The following ADGRD1 variants were observed in gnomAD, a reference collection of about 807,000 sequenced individuals.
The protein encoded by ADGRD1 is G-protein coupled receptor 133.
ADGRD1 carries 77 observed loss-of-function variants against 113.4 expected under a neutral mutation model. That is an observed-to-expected ratio of 0.68 (90% confidence interval 0.57 to 0.82). ADGRD1 has a LOEUF of 0.82. ADGRD1 is among the 40% of genes least tolerant of loss of function. The pLI is 0.00. For synonymous variants in ADGRD1, 474 were observed against 475.0 expected, an observed-to-expected ratio of 1.00 and a Z score of 0.03; for missense variants, 1,036 against 1,139.1, an observed-to-expected ratio of 0.91 and a Z score of 1.30.
rs117904252 is a variant in ADGRD1, at chr12:131,016,448, C to T, written c.1473+2108C>T. Among the ~76,000 whole-genome samples, 359 of 152,358 alleles carry T rather than the reference C, an allele frequency of 2.4e-3. 5 individuals are homozygous for T. Among genetic ancestry groups the T allele is most frequent in the Non-Finnish European group, 3.2e-3 (215 of 68,044 alleles). On this transcript the variant is annotated intron_variant, in intron 13 of 24. Transcript: ENST00000261654. ...GTGGAGAGAATCCTGGTCCCCTGCACAGGCTGTCCCCTCTGCCGTGATGTC... is the reference window on the plus strand; with the variant it reads ...GTGGAGAGAATCCTGGTCCCCTGCATAGGCTGTCCCCTCTGCCGTGATGTC...
chr12:131,133,064 A>G (rs1200633123), intron 21 of ADGRD1, among the ~76,000 whole-genome samples: 1 of 152,028 alleles, frequency 6.6e-6, no homozygotes, highest in Non-Finnish European at 1.5e-5. Context: ...GCGAGAAGAG[A>G]TGCTCGTGGG....
At chr12:131,119,454 C>T (rs1257064075) in intron 19 of ADGRD1, among the ~76,000 whole-genome samples, 1 of 152,222 alleles carries the variant, frequency 6.6e-6, no homozygotes, top group African/African-American at 2.4e-5. Flanking sequence ...AAACACAGCT[C>T]AATGGCATTT....
At chr12:131,122,566 G>A (rs1428178981) in intron 20 of ADGRD1, among the ~76,000 whole-genome samples, 1 of 152,190 alleles carries the variant, frequency 6.6e-6, no homozygotes, top group African/African-American at 2.4e-5. Flanking sequence ...CTTTCAGAGC[G>A]GACTCCAGTC....
At chr12:131,122,300 T>C (rs1348512589) in intron 20 of ADGRD1, among the ~76,000 whole-genome samples, 1 of 152,070 alleles carries the variant, frequency 6.6e-6, no homozygotes, top group Non-Finnish European at 1.5e-5. Flanking sequence ...CCTCACAGCG[T>C]CTACAGAGCT....
intron 15 of ADGRD1, among the ~76,000 whole-genome samples, chr12:131,092,787 T>C (rs1481525482): frequency 6.6e-6 from 1 of 152,128 alleles, no homozygotes; most frequent in East Asian, 1.9e-4. Context: ...CTCTGGCCAG[T>C]GACTGGGCTT....
chr12:131,085,553 G>A (rs945896732), intron 15 of ADGRD1, among the ~76,000 whole-genome samples: 4 of 152,186 alleles, frequency 2.6e-5, no homozygotes, highest in Non-Finnish European at 5.9e-5. Context: ...CCCTGGGTTT[G>A]GGGTGGGGCA....
At position 130,963,299 on chromosome 12, in the gene ADGRD1, G is replaced by A. The variant is rs1278984037; in HGVS notation, c.104-3164G>A. On this transcript the variant is annotated intron_variant, in intron 2 of 24. Transcript: ENST00000261654. ...CGCGCCACTGCACTCCAGCCTGGGC[G>A]ACAGAGCCAGACTCCGTCTCAAAAA... Among the ~76,000 whole-genome samples the A allele has an allele frequency of 1.2e-4, 16 of 134,754 alleles. No homozygotes were observed. In the East Asian group the frequency reaches 2.1e-3, roughly 18 times the overall value. 88.4% of individuals were successfully genotyped at this position (134,754 alleles called of 152,430 possible). A position where few individuals can be genotyped will look rare whatever the true frequency, so the allele number is the denominator to read the frequency against.
rs761795752 is a variant in ADGRD1, at chr12:131,014,313, C to G, written c.1446C>G (p.Leu482=). Reference sequence around the variant, plus strand: ...CTCAGAACCTGTCGGGCTCTCCACTCATTACGGTCCACCTCAAGCACAGAT... The same window carrying G: ...CTCAGAACCTGTCGGGCTCTCCACTGATTACGGTCCACCTCAAGCACAGAT... ...TLSQNLSGSP[L]ITVHLKHRLT... Residue 482 remains leucine (L), a synonymous_variant, in exon 13 of 25, where the codon CTC becomes CTG. Coordinates refer to ENST00000261654, the MANE Select transcript of ADGRD1 (RefSeq NM_198827.5). The G allele has an allele frequency of 4.3e-6, 7 of 1,613,890 alleles. No individual in the cohort carries two copies. In the Admixed American group the frequency reaches 1.2e-4, roughly 27 times the overall value.
At chr12:130,992,473 A>G (rs1874546686) in intron 8 of ADGRD1, 81 bp downstream of exon 8, 1 of 1,250,190 alleles carries the variant, frequency 8.0e-7, no homozygotes, top group African/African-American at 1.5e-5. Context: ...TTTGACCTAG[A>G]TCGAGTTTAA....
chr12:131,061,676 T>G (rs1884344145), intron 13 of ADGRD1, among the ~76,000 whole-genome samples: 1 of 152,230 alleles, frequency 6.6e-6, no homozygotes, highest in African/African-American at 2.4e-5. Flanking sequence ...ACATCAGTGC[T>G]ATGTATGTAT....
At chr12:131,103,983 C>T (rs1021097223) in intron 15 of ADGRD1, among the ~76,000 whole-genome samples, 1 of 152,156 alleles carries the variant, frequency 6.6e-6, no homozygotes, top group Non-Finnish European at 1.5e-5. Flanking sequence ...CTTGAGGCCC[C>T]GACTTCAGAA....
chr12:130,996,550 CCCGGACGGGGCGG>C (rs1875402325), intron 8 of ADGRD1, among the ~76,000 whole-genome samples: 1 of 133,192 alleles, frequency 7.5e-6, no homozygotes, highest in Non-Finnish European at 1.6e-5. Context: ...CCACCTCCCT[CCCGGACGGGGCGG>C]CTGGCCGGGC....
At chr12:131,091,705 G>A (rs1001014997) in intron 15 of ADGRD1, among the ~76,000 whole-genome samples, 2 of 147,144 alleles carry the variant, frequency 1.4e-5, no homozygotes, top group African/African-American at 5.0e-5. Flanking sequence ...AGTGGGCCGG[G>A]GCGAGGAGGG....
At chr12:131,064,476 G>GT (rs1174595592) in intron 13 of ADGRD1, among the ~76,000 whole-genome samples, 1 of 152,144 alleles carries the variant, frequency 6.6e-6, no homozygotes, top group African/African-American at 2.4e-5. Context: ...AGTCAGCCTT[G>GT]TATTCCACAG....
intron 20 of ADGRD1, among the ~76,000 whole-genome samples, chr12:131,128,860 G>C (rs1210666356): frequency 1.3e-5 from 2 of 151,416 alleles, no homozygotes; most frequent in African/African-American, 4.9e-5. Flanking sequence ...GTCTGGGTGT[G>C]GACGGCAGCC....
intron 22 of ADGRD1, 116 bp downstream of exon 22, chr12:131,136,279 G>A: frequency 7.7e-7 from 1 of 1,293,380 alleles, no homozygotes; most frequent in Non-Finnish European, 1.1e-6. Context: ...CACACCTTAG[G>A]AGCCTGTAAT....
chr12:131,137,162 G>A, intron 23 of ADGRD1, 148 bp downstream of exon 23: 2 of 700,026 alleles, frequency 2.9e-6, no homozygotes, highest in Non-Finnish European at 5.2e-6. Flanking sequence ...CAAGTTGTGT[G>A]CCCTGGGGCC....
intron 14 of ADGRD1, among the ~76,000 whole-genome samples, chr12:131,080,911 C>T (rs1299958370): frequency 1.3e-5 from 2 of 152,250 alleles, no homozygotes; most frequent in African/African-American, 4.8e-5. Context: ...TGAGCCACTG[C>T]ACCCGGCCTA....
At position 130,987,192 on chromosome 12, in the gene ADGRD1, A is replaced by C; in HGVS notation, c.588A>C (p.Lys196Asn). ...GTLSTSDPSG[K>N]VSRDYGESNV... The stretch of plus-strand genomic sequence containing the variant: ...TGAGCACCTCTGATCCGAGTGGAAA[A>C]GTGTCTCGTGACTATGGAGAGTCCA... The change falls in exon 6 of 25, where the codon AAA (lysine) becomes AAC (asparagine). Residue 196 changes from lysine to asparagine, a missense_variant. By Grantham distance (94) the Lys-to-Asn change is moderately conservative. Coordinates refer to ENST00000261654, the MANE Select transcript of ADGRD1 (RefSeq NM_198827.5). 6.2e-7 allele frequency: 1 copy of C among 1,614,232 alleles called. No homozygotes were observed. The highest frequency in any genetic ancestry group is 8.5e-7 in the Non-Finnish European group (1 of 1,180,034).
Sources: allele counts gnomAD v4.1 joint callset (sites outside exome capture counted in the v4.1 genomes callset), GRCh38; gene constraint gnomAD v4.1.1; transcripts MANE v1.5; gene names NCBI Gene and HGNC (gene_info 2026-07-23, HGNC 2026-07-21).